The following SYNPR variants were observed in gnomAD, a reference collection of about 807,000 sequenced individuals.
SYNPR encodes the protein synaptoporin.
A neutral mutation model predicts 32.9 loss-of-function variants in SYNPR; 23 were observed. The observed-to-expected ratio is 0.70, with a 90% CI of 0.50 to 0.99. SYNPR has a LOEUF of 0.99. SYNPR is among the 50% of genes least tolerant of loss of function. The pLI is 0.00. For missense variants in SYNPR, 318 were observed against 349.3 expected (o/e 0.91, Z 0.71); for synonymous variants, 146 against 135.9 (o/e 1.07, Z -0.52).
intron 2 of SYNPR, among the ~76,000 whole-genome samples, chr3:63,474,395 C>T (rs1700861159): frequency 6.6e-6 from 1 of 152,202 alleles, no homozygotes; most frequent in South Asian, 2.1e-4. Flanking sequence ...AGGGCATCAA[C>T]AGCCTCTGCT....
chr3:63,423,931 A>C (rs1699846548), intron 2 of SYNPR, among the ~76,000 whole-genome samples: 1 of 152,240 alleles, frequency 6.6e-6, no homozygotes, highest in Admixed American at 6.5e-5. Context: ...AAAGTGAGAG[A>C]CATTCTATAA....
rs1220843523 is a variant in SYNPR at position 63,440,767 on chromosome 3, CAGGGTCA to C, written c.85-40064_85-40058del. Among the ~76,000 whole-genome samples, 4 of 152,086 alleles carry C rather than the reference CAGGGTCA, an allele frequency of 2.6e-5. No homozygotes were observed. In the East Asian group the frequency reaches 5.8e-4, roughly 22 times the overall value. Reference sequence around the variant, plus strand: ...ACGTGGACAAATTCTGGGACACAGCCAGGGTCACAGAGCAAACCGCTAGCAAACCCAA... The same window carrying C: ...ACGTGGACAAATTCTGGGACACAGCCCAGAGCAAACCGCTAGCAAACCCAA... On this transcript the variant is annotated intron_variant, in intron 2 of 5. Coordinates refer to ENST00000478300, the MANE Select transcript of SYNPR (RefSeq NM_001130003.2).
rs564852615 is a variant in SYNPR at position 63,362,785 on chromosome 3, C to T, written c.84+84043C>T. Among the ~76,000 whole-genome samples, 8 of 152,292 alleles carry T rather than the reference C, an allele frequency of 5.3e-5. No homozygotes were observed. In the South Asian group the frequency reaches 1.2e-3, roughly 24 times the overall value. ...TGAAATAATGAGCAGAGATCTCAGCCTCTATCCAAAGATGCCAATATGTTG... is the reference window on the plus strand; with the variant it reads ...TGAAATAATGAGCAGAGATCTCAGCTTCTATCCAAAGATGCCAATATGTTG... On this transcript the variant is annotated intron_variant, in intron 2 of 5. Transcript: ENST00000478300.
chr3:63,598,247 C>T (rs1485680810), intron 4 of SYNPR, among the ~76,000 whole-genome samples: 1 of 152,142 alleles, frequency 6.6e-6, no homozygotes, highest in African/African-American at 2.4e-5. Flanking sequence ...GAGATGGAGA[C>T]AGGTTTACCT....
At chr3:63,430,695 CTG>C (rs1398943372) in intron 2 of SYNPR, among the ~76,000 whole-genome samples, 1 of 152,140 alleles carries the variant, frequency 6.6e-6, no homozygotes, top group Admixed American at 6.5e-5. Context: ...AAGTATAACA[CTG>C]TGCTATCTGA....
chr3:63,223,964 A>G (rs1372136636), upstream of SYNPR, among the ~76,000 whole-genome samples: 1 of 152,222 alleles, frequency 6.6e-6, no homozygotes. Context: ...TGTTGCATAA[A>G]TAAAATTTAT....
At chr3:63,543,092 C>T (rs1328181849) in intron 3 of SYNPR, among the ~76,000 whole-genome samples, 1 of 152,128 alleles carries the variant, frequency 6.6e-6, no homozygotes, top group Non-Finnish European at 1.5e-5. Context: ...TGCAAATGCA[C>T]ATTCCATGAA....
intron 3 of SYNPR, among the ~76,000 whole-genome samples, chr3:63,520,213 A>G (rs1701879557): frequency 6.6e-6 from 1 of 152,178 alleles, no homozygotes; most frequent in South Asian, 2.1e-4. Flanking sequence ...TTTGTATTTT[A>G]ACATTATAAA....
intron 3 of SYNPR, among the ~76,000 whole-genome samples, chr3:63,496,229 G>A (rs976140413): frequency 8.6e-5 from 13 of 151,792 alleles, no homozygotes; most frequent in Non-Finnish European, 1.3e-4. Flanking sequence ...TTTGATGTAC[G>A]TTATTTCAGA....
At chr3:63,299,599 G>C (rs2086823083) in intron 2 of SYNPR, among the ~76,000 whole-genome samples, 1 of 152,112 alleles carries the variant, frequency 6.6e-6, no homozygotes, top group Non-Finnish European at 1.5e-5. Context: ...GCCAGATACA[G>C]GGAGACAGGC....
chr3:63,430,972 C>T (rs1699982608), intron 2 of SYNPR, among the ~76,000 whole-genome samples: 1 of 152,140 alleles, frequency 6.6e-6, no homozygotes, highest in Non-Finnish European at 1.5e-5. Context: ...GTTCACAAAC[C>T]TAATCATGAA....
rs192162310 is a variant in SYNPR at position 63,387,184 on chromosome 3, T to A, written c.85-93648T>A. 1.2e-3 allele frequency among the ~76,000 whole-genome samples: 184 copies of A among 152,362 alleles called. 1 individual carries two copies. Among genetic ancestry groups the A allele is most frequent in the African/African-American group, 4.2e-3 (175 of 41,584 alleles). On this transcript the variant is annotated intron_variant, in intron 2 of 5. Transcript: ENST00000478300. Reference sequence around the variant, plus strand: ...AACCCCATAAGAGTTTTCTATAATTTAGTTATTTGCATATGACCATTACAA... The same window carrying A: ...AACCCCATAAGAGTTTTCTATAATTAAGTTATTTGCATATGACCATTACAA...
chr3:63,609,049 G>C (rs1441867614), intron 4 of SYNPR, 76 bp from the exon 5 acceptor site: 3 of 1,478,322 alleles, frequency 2.0e-6, no homozygotes, highest in South Asian at 1.4e-5. Context: ...AAACCAAATA[G>C]TTATATAAAC....
intron 3 of SYNPR, among the ~76,000 whole-genome samples, chr3:63,522,741 C>T (rs74736548): frequency 1.5e-5 from 2 of 130,344 alleles, no homozygotes; most frequent in African/African-American, 5.8e-5. Flanking sequence ...AACCAAGCAT[C>T]CCCAGCACAA....
chr3:63,281,693 A>G (rs763642130), intron 2 of SYNPR, among the ~76,000 whole-genome samples: 1 of 152,118 alleles, frequency 6.6e-6, no homozygotes, highest in Non-Finnish European at 1.5e-5. Flanking sequence ...ACCCCCTAAG[A>G]CCATCACTTT....
intron 4 of SYNPR, 77 bp from the exon 5 acceptor site, chr3:63,609,048 A>T: frequency 6.8e-7 from 1 of 1,465,546 alleles, no homozygotes; most frequent in Non-Finnish European, 9.1e-7. Context: ...CAAACCAAAT[A>T]GTTATATAAA....
At chr3:63,437,643 T>A (rs1448736545) in intron 2 of SYNPR, among the ~76,000 whole-genome samples, 42 of 86,066 alleles carry the variant, frequency 4.9e-4, no homozygotes, top group Admixed American at 7.3e-4. Flanking sequence ...TGAAGGGAGG[T>A]AGGGAGGGAG....
chr3:63,455,379 A>C (rs1428016055), intron 2 of SYNPR, among the ~76,000 whole-genome samples: 1 of 152,120 alleles, frequency 6.6e-6, no homozygotes, highest in African/African-American at 2.4e-5. Flanking sequence ...TTCACATTAC[A>C]CTGTTCAAAC....
chr3:63,204,630 A>G, the SYNPR span, among the ~76,000 whole-genome samples: 1 of 152,212 alleles, frequency 6.6e-6, no homozygotes, highest in South Asian at 2.1e-4. Flanking sequence ...TGAATTACCT[A>G]GATTCTTCGC....
Sources: allele counts gnomAD v4.1 joint callset (sites outside exome capture counted in the v4.1 genomes callset), GRCh38; gene constraint gnomAD v4.1.1; transcripts MANE v1.5; gene names NCBI Gene and HGNC (gene_info 2026-07-23, HGNC 2026-07-21).